The following GARRE1 variants were observed in gnomAD, a reference collection of about 807,000 sequenced individuals.
The protein encoded by GARRE1 is granule associated Rac and RHOG effector 1.
In GARRE1, 49 loss-of-function variants were observed where a neutral mutation model predicts 103.2. That is an observed-to-expected ratio of 0.47 (90% CI 0.38 to 0.60). GARRE1 has a LOEUF of 0.60. Ranked by LOEUF, GARRE1 falls within the 20% of genes least tolerant of loss-of-function variation. The pLI, the probability that GARRE1 is intolerant of heterozygous loss-of-function variation, is 0.00. For synonymous variants in GARRE1, 505 were observed against 532.8 expected, an observed-to-expected ratio of 0.95 and a Z score of 0.72; for missense variants, 1,199 against 1,370.5, an observed-to-expected ratio of 0.87 and a Z score of 1.98.
rs1468041228 is a variant in GARRE1, at chr19:34,342,849, T to G, written c.2521+394T>G. Among the ~76,000 whole-genome samples the G allele has an allele frequency of 3.9e-5, 6 of 151,948 alleles. No homozygotes were observed. The East Asian group carries it at 1.2e-3, about 29-fold the overall frequency. On this transcript the variant is annotated intron_variant, in intron 10 of 13. Transcript: ENST00000299505. ...TGTTCTTTGCGATGCTTTTTTTTTT[T>G]GCCTAAACTCTAGGACCTATGACAG...
chr19:34,323,023 CTTTTTTTTTTTTT>C (rs71165649), intron 3 of GARRE1, among the ~76,000 whole-genome samples: 5 of 66,666 alleles, frequency 7.5e-5, no homozygotes, highest in South Asian at 7.1e-4. Context: ...TATTTCTTTT[CTTTTTTTTTTTTT>C]TTTTTTTTTT....
chr19:34,276,367 GGCAAGGTAAATTAAGTT>G (rs2073817192), intron 1 of GARRE1, among the ~76,000 whole-genome samples: 1 of 152,008 alleles, frequency 6.6e-6, no homozygotes, highest in South Asian at 2.1e-4. Flanking sequence ...CATCAGTTTT[GGCAAGGTAAATTAAGTT>G]GCAAAACCTG....
At chr19:34,289,578 G>T (rs538048855) in intron 1 of GARRE1, among the ~76,000 whole-genome samples, 1 of 151,958 alleles carries the variant, frequency 6.6e-6, no homozygotes. Flanking sequence ...ACAAAAATTA[G>T]CTGGGTGTGG....
intron 8 of GARRE1, among the ~76,000 whole-genome samples, chr19:34,336,376 G>GT (rs759960948): frequency 2.0e-5 from 3 of 151,896 alleles, no homozygotes; most frequent in Non-Finnish European, 4.4e-5. Flanking sequence ...CTATCAAACA[G>GT]TAAACCAGAG....
chr19:34,289,853 C>G (rs912772282), intron 1 of GARRE1, among the ~76,000 whole-genome samples: 9 of 152,312 alleles, frequency 5.9e-5, no homozygotes, highest in Non-Finnish European at 1.0e-4. Context: ...GATTCTGAGA[C>G]TACATGTGGT....
At chr19:34,296,163 T>TTC (rs1417526324) in intron 1 of GARRE1, 2 of 381,158 alleles carry the variant, frequency 5.2e-6, no homozygotes, top group Non-Finnish European at 9.3e-6. Flanking sequence ...TTTTTTTTTT[T>TTC]CTTGCGTCAG....
intron 10 of GARRE1, among the ~76,000 whole-genome samples, chr19:34,346,691 C>T (rs1298331784): frequency 6.6e-6 from 1 of 152,066 alleles, no homozygotes; most frequent in African/African-American, 2.4e-5. Context: ...ATCTTGGCTC[C>T]CTGCAACCTC....
At chr19:34,273,878 G>A (rs574298662) in intron 1 of GARRE1, among the ~76,000 whole-genome samples, 1 of 152,262 alleles carries the variant, frequency 6.6e-6, no homozygotes, top group Non-Finnish European at 1.5e-5. Flanking sequence ...GAAGTGGGTG[G>A]TGTTGGGGCG....
intron 2 of GARRE1, among the ~76,000 whole-genome samples, chr19:34,318,777 C>T (rs2074071502): frequency 6.6e-6 from 1 of 152,108 alleles, no homozygotes; most frequent in African/African-American, 2.4e-5. Flanking sequence ...CATGGGAGCT[C>T]ATGCCTGTAA....
intron 1 of GARRE1, among the ~76,000 whole-genome samples, chr19:34,281,354 G>T (rs762954326): frequency 4.6e-5 from 7 of 152,138 alleles, no homozygotes; most frequent in Non-Finnish European, 7.4e-5. Flanking sequence ...GCAGTGGTGT[G>T]ATCTCAGCTC....
At chr19:34,315,231 T>C (rs760272950) in intron 2 of GARRE1, among the ~76,000 whole-genome samples, 1 of 152,206 alleles carries the variant, frequency 6.6e-6, no homozygotes, top group Non-Finnish European at 1.5e-5. Flanking sequence ...TGTATTGATG[T>C]GAAAATCACA....
intron 8 of GARRE1, among the ~76,000 whole-genome samples, chr19:34,334,997 C>T (rs112767990): frequency 0.015 from 2,274 of 150,776 alleles, 24 homozygotes; most frequent in South Asian, 0.026. Context: ...GAGCCGAGAT[C>T]GTGCCACTGC....
intron 2 of GARRE1, among the ~76,000 whole-genome samples, chr19:34,309,759 G>A (rs1055998335): frequency 6.6e-6 from 1 of 152,174 alleles, no homozygotes; most frequent in Admixed American, 6.6e-5. Flanking sequence ...TATTAAAGAC[G>A]TAATATATCA....
chr19:34,303,402 T>G (rs968695447), intron 2 of GARRE1, among the ~76,000 whole-genome samples: 2 of 152,204 alleles, frequency 1.3e-5, no homozygotes, highest in Non-Finnish European at 2.9e-5. Context: ...CTGCTTTGGG[T>G]TAACCAAAAA....
intron 3 of GARRE1, among the ~76,000 whole-genome samples, chr19:34,326,488 CAG>C (rs2145266283): frequency 1.3e-5 from 2 of 152,328 alleles, no homozygotes; most frequent in South Asian, 4.1e-4. Flanking sequence ...CGTAAAATGA[CAG>C]AGATTAGTTT....
rs371218739 is a variant in GARRE1 at position 34,333,677 on chromosome 19, G to T, written c.1264-27G>T. ...TCTCTCTGAAAGCTGGTTGTTATTT[G>T]TTTTTTTTTTTTTTTTTCGATCTTA... On this transcript the variant is annotated intron_variant, in intron 7 of 13. Coordinates refer to ENST00000299505, the MANE Select transcript of GARRE1 (RefSeq NM_014686.5). 1,305 of 673,782 alleles carry T rather than the reference G, an allele frequency of 1.9e-3. 2 individuals carry two copies. Among genetic ancestry groups the T allele is most frequent in the African/African-American group, 5.5e-3 (252 of 46,156 alleles). 41.7% of individuals were successfully genotyped at this position (673,782 alleles called of 1,614,324 possible). A position where few individuals can be genotyped will look rare whatever the true frequency, so the allele number is the denominator to read the frequency against.
rs774755279 is a variant in GARRE1, at chr19:34,347,900, C to T, written c.2545C>T (p.Arg849Cys). ...PAVGSDPEFA[R>C]YVAGVSQAMQ... ...AGTGGGCTCAGACCCAGAGTTTGCACGCTATGTGGCAGGAGTGAGCCAGGC... is the reference window on the plus strand; with the variant it reads ...AGTGGGCTCAGACCCAGAGTTTGCATGCTATGTGGCAGGAGTGAGCCAGGC... The change falls in exon 11 of 14, where the codon CGC becomes TGC. Residue 849 changes from arginine to cysteine, a missense_variant. Physicochemically the swap from Arg to Cys is radical, Grantham distance 180 (BLOSUM62 -3). Transcript: ENST00000299505. The T allele has an allele frequency of 3.1e-5, 48 of 1,572,432 alleles. No individual in the cohort carries two copies. Among genetic ancestry groups the T allele is most frequent in the Middle Eastern group, 1.7e-4 (1 of 5,952 alleles).
At chr19:34,260,880 C>T (rs375468616) in intron 1 of GARRE1, among the ~76,000 whole-genome samples, 4 of 152,176 alleles carry the variant, frequency 2.6e-5, no homozygotes, top group Non-Finnish European at 4.4e-5. Context: ...AATTTTGTAT[C>T]CTCAGAAGAA....
intron 1 of GARRE1, among the ~76,000 whole-genome samples, chr19:34,291,546 C>T (rs1423098456): frequency 6.6e-6 from 1 of 152,116 alleles, no homozygotes; most frequent in Non-Finnish European, 1.5e-5. Flanking sequence ...CACCCCAAGG[C>T]GAAAGGTGGA....
Sources: gnomAD v4.1 joint callset for allele counts (sites outside exome capture counted in the v4.1 genomes callset) on GRCh38, gnomAD v4.1.1 for gene constraint, MANE v1.5 for transcripts, NCBI Gene and HGNC (gene_info 2026-07-23, HGNC 2026-07-21) for gene names.